OR1J2: variants seen among roughly 807,000 people sequenced by gnomAD.
OR1J2 encodes the protein olfactory receptor 1J2.
For missense variants in OR1J2, 304 were observed against 246.1 expected, an observed-to-expected ratio of 1.24 and a Z score of -1.57; for synonymous variants, 142 against 99.7, an observed-to-expected ratio of 1.42 and a Z score of -2.52.
the OR1J2 span, among the ~76,000 whole-genome samples, chr9:122,576,580 C>G: frequency 2.0e-5 from 3 of 152,144 alleles, no homozygotes; most frequent in Non-Finnish European, 1.5e-5. Flanking sequence ...TAGGTTGTTT[C>G]CATATCTTGG....
the OR1J2 span, chr9:122,567,455 G>T: frequency 2.1e-6 from 2 of 942,112 alleles, no homozygotes; most frequent in Non-Finnish European, 1.6e-6. Context: ...AGAAGTGCTA[G>T]CTTCCAACAG....
At chr9:122,566,810 C>T in the OR1J2 span, among the ~76,000 whole-genome samples, 1 of 152,118 alleles carries the variant, frequency 6.6e-6, no homozygotes, top group African/African-American at 2.4e-5. Context: ...TTAAATCACA[C>T]ATTTTAAACA....
chr9:122,526,567 G>A, the OR1J2 span: 1 of 1,613,844 alleles, frequency 6.2e-7, no homozygotes, highest in Non-Finnish European at 8.5e-7. Context: ...ACAACGCAGA[G>A]GTGGGAACTG....
chr9:122,489,579 G>T, the OR1J2 span, among the ~76,000 whole-genome samples: 2 of 152,088 alleles, frequency 1.3e-5, no homozygotes, highest in African/African-American at 4.8e-5. Flanking sequence ...AACACAAAAA[G>T]ATCAACTTGT....
At chr9:122,569,659 CATTTTATTTTATTTTATTTTATTTT>C in the OR1J2 span, among the ~76,000 whole-genome samples, 1 of 150,380 alleles carries the variant, frequency 6.6e-6, no homozygotes, top group African/African-American at 2.4e-5. Context: ...GAAACAACTT[CATTTTATTTTATTTTATTTTATTTT>C]ATTTTATTTT....
chr9:122,507,582 A>G (rs1828545589), upstream of OR1J2, among the ~76,000 whole-genome samples: 1 of 152,068 alleles, frequency 6.6e-6, no homozygotes, highest in Non-Finnish European at 1.5e-5. Context: ...CCTGTTTCTC[A>G]CTTGTCTGAA....
the OR1J2 span, among the ~76,000 whole-genome samples, chr9:122,464,407 C>T: frequency 5.1e-4 from 78 of 152,210 alleles, no homozygotes; most frequent in Non-Finnish European, 7.8e-4. Context: ...AGAAAGCAAG[C>T]AAACTCACAG....
At chr9:122,455,591 G>A in the OR1J2 span, among the ~76,000 whole-genome samples, 1 of 151,812 alleles carries the variant, frequency 6.6e-6, no homozygotes, top group African/African-American at 2.4e-5. Context: ...TATATATTCT[G>A]GATAAGATAT....
the OR1J2 span, among the ~76,000 whole-genome samples, chr9:122,561,769 T>G: frequency 3.9e-5 from 6 of 152,192 alleles, no homozygotes; most frequent in Admixed American, 3.9e-4. Flanking sequence ...GGAATGCTTC[T>G]GTATAAAATG....
the OR1J2 span, among the ~76,000 whole-genome samples, chr9:122,490,826 G>A: frequency 6.6e-6 from 1 of 152,196 alleles, no homozygotes; most frequent in East Asian, 1.9e-4. Context: ...GAAAGAAAGA[G>A]CCATGGAAGG....
chr9:122,568,720 GA>G, the OR1J2 span: 22,479 of 392,098 alleles, frequency 0.057, 852 homozygotes, highest in African/African-American at 0.11. Context: ...TTTTCCTTTA[GA>G]AACTTTCAGA....
the OR1J2 span, among the ~76,000 whole-genome samples, chr9:122,455,689 TA>T: frequency 4.1e-4 from 62 of 152,306 alleles, 1 homozygote; most frequent in African/African-American, 1.4e-3. Flanking sequence ...TCTTTTGATA[TA>T]AAAAAGATTT....
the OR1J2 span, among the ~76,000 whole-genome samples, chr9:122,467,508 T>G: frequency 6.6e-6 from 1 of 152,188 alleles, no homozygotes; most frequent in Non-Finnish European, 1.5e-5. Flanking sequence ...ACAAAAATAA[T>G]GTCACTCATT....
downstream of OR1J2, among the ~76,000 whole-genome samples, chr9:122,512,899 TAACTC>T (rs1828656977): frequency 6.6e-6 from 1 of 152,218 alleles, no homozygotes; most frequent in African/African-American, 2.4e-5. Flanking sequence ...TGAGCTATAA[TAACTC>T]TAACAACATA....
At chr9:122,517,926 A>G in the OR1J2 span, among the ~76,000 whole-genome samples, 1,420 of 152,020 alleles carry the variant, frequency 9.3e-3, 20 homozygotes, top group African/African-American at 0.033. Context: ...CTGTGTTCTC[A>G]TTGTTCAGCT....
chr9:122,506,393 GT>G (rs921789972), upstream of OR1J2, among the ~76,000 whole-genome samples: 10 of 152,088 alleles, frequency 6.6e-5, no homozygotes, highest in African/African-American at 2.2e-4. Flanking sequence ...GAGATTACCA[GT>G]TCAATCTCCT....
the OR1J2 span, among the ~76,000 whole-genome samples, chr9:122,544,280 C>T: frequency 4.2e-3 from 630 of 151,746 alleles, 4 homozygotes; most frequent in African/African-American, 0.015. Flanking sequence ...ATATTGATTT[C>T]GTTAATAAAT....
At chr9:122,528,226 A>T in the OR1J2 span, among the ~76,000 whole-genome samples, 8 of 152,236 alleles carry the variant, frequency 5.3e-5, no homozygotes, top group African/African-American at 1.9e-4. Context: ...ATAGAACCTG[A>T]AAGATCACCT....
chr9:122,539,143 G>C, the OR1J2 span, among the ~76,000 whole-genome samples: 1 of 152,088 alleles, frequency 6.6e-6, no homozygotes, highest in Non-Finnish European at 1.5e-5. Flanking sequence ...TATACTTTAA[G>C]TTTTAGGGTA....
Sources: gnomAD v4.1 joint callset for allele counts (sites outside exome capture counted in the v4.1 genomes callset) on GRCh38, gnomAD v4.1.1 for gene constraint, MANE v1.5 for transcripts, NCBI Gene and HGNC (gene_info 2026-07-23, HGNC 2026-07-21) for gene names.